Variants in GOLM2 observed in about 807,000 individuals in gnomAD.
GOLM2 encodes golgi membrane protein 2, also known as protein GOLM2.
A neutral mutation model predicts 55.9 loss-of-function variants in GOLM2; 26 were observed. That is an observed-to-expected ratio of 0.47 (90% CI 0.34 to 0.65). The LOEUF is 0.65. Among genes scored for constraint, GOLM2 ranks in the 30% least tolerant of loss-of-function variants. GOLM2 has a pLI of 0.01. For synonymous variants in GOLM2, 165 were observed against 194.6 expected (o/e 0.85, Z 1.27); for missense variants, 486 against 531.8 (o/e 0.91, Z 0.85).
intron 6 of GOLM2, among the ~76,000 whole-genome samples, chr15:44,351,069 C>G (rs528330045): frequency 6.6e-6 from 1 of 152,124 alleles, no homozygotes; most frequent in Admixed American, 6.5e-5. Flanking sequence ...ATCTAGAACA[C>G]GAAGTGGATG....
intron 6 of GOLM2, among the ~76,000 whole-genome samples, chr15:44,351,465 T>G (rs1190844578): frequency 6.7e-6 from 1 of 149,958 alleles, no homozygotes; most frequent in African/African-American, 2.5e-5. Context: ...TAGTCCCAGC[T>G]ACTCAGGAGG....
intron 8 of GOLM2, among the ~76,000 whole-genome samples, chr15:44,382,972 C>G (rs548965942): frequency 6.6e-6 from 1 of 150,782 alleles, no homozygotes; most frequent in African/African-American, 2.4e-5. Flanking sequence ...ACCCTCACTC[C>G]ATATTATTTT....
At chr15:44,351,576 C>CAAAAAAAAAAA (rs1175016633) in intron 6 of GOLM2, among the ~76,000 whole-genome samples, 1 of 45,902 alleles carries the variant, frequency 2.2e-5, no homozygotes, top group African/African-American at 8.3e-5. Context: ...GACTCTGTCT[C>CAAAAAAAAAAA]AAAAAAAAAA....
chr15:44,399,867 C>G (rs1004290125), intron 8 of GOLM2, among the ~76,000 whole-genome samples: 3 of 151,754 alleles, frequency 2.0e-5, no homozygotes, highest in Non-Finnish European at 4.4e-5. Context: ...TGGTGGTAGG[C>G]GCCTGTAATC....
At chr15:44,322,171 C>T (rs372708179) in intron 1 of GOLM2, among the ~76,000 whole-genome samples, 4 of 152,214 alleles carry the variant, frequency 2.6e-5, no homozygotes, top group African/African-American at 7.2e-5. Context: ...AGTTCGAGAC[C>T]AGCCTGGCCA....
At chr15:44,384,652 C>T (rs557982936) in intron 8 of GOLM2, among the ~76,000 whole-genome samples, 1 of 152,092 alleles carries the variant, frequency 6.6e-6, no homozygotes, top group Admixed American at 6.6e-5. Flanking sequence ...GAGGCTGAGG[C>T]AGGAGAATGG....
chr15:44,321,960 G>A (rs1197306413), intron 1 of GOLM2, among the ~76,000 whole-genome samples: 1 of 152,134 alleles, frequency 6.6e-6, no homozygotes, highest in Non-Finnish European at 1.5e-5. Flanking sequence ...TTGAGAGCCT[G>A]AGATAGGAGG....
At chr15:44,297,400 T>G (rs1016775254) in intron 1 of GOLM2, among the ~76,000 whole-genome samples, 1 of 152,166 alleles carries the variant, frequency 6.6e-6, no homozygotes, top group African/African-American at 2.4e-5. Context: ...TCCCACTATC[T>G]CCTGACCCAA....
intron 8 of GOLM2, among the ~76,000 whole-genome samples, chr15:44,398,585 A>G (rs950520882): frequency 6.6e-6 from 1 of 152,022 alleles, no homozygotes; most frequent in African/African-American, 2.4e-5. Flanking sequence ...AACAGTGACC[A>G]CAAGTGAATA....
chr15:44,408,194 A>G (rs1275349348), intron 9 of GOLM2, among the ~76,000 whole-genome samples: 2 of 152,190 alleles, frequency 1.3e-5, no homozygotes, highest in African/African-American at 4.8e-5. Context: ...CTGCTTCCTA[A>G]AAGGAACTAA....
chr15:44,306,190 T>G (rs2078835706), intron 1 of GOLM2, among the ~76,000 whole-genome samples: 1 of 152,216 alleles, frequency 6.6e-6, no homozygotes, highest in African/African-American at 2.4e-5. Context: ...ATGGAAAATG[T>G]GTTGTTTAGT....
chr15:44,380,250 T>C (rs1379054079), intron 7 of GOLM2, among the ~76,000 whole-genome samples: 1 of 151,904 alleles, frequency 6.6e-6, no homozygotes, highest in Non-Finnish European at 1.5e-5. Flanking sequence ...TTAAGGGAGA[T>C]GATGGAAAGG....
At position 44,288,977 on chromosome 15, in the gene GOLM2, C is replaced by T; in HGVS notation, c.-53C>T. On this transcript the variant is annotated 5_prime_UTR_variant, in exon 1 of 10. Coordinates refer to ENST00000299957, the MANE Select transcript of GOLM2 (RefSeq NM_138423.4). Reference sequence around the variant, plus strand: ...GCAACTCCAGCCGAGGCCTGGGCTTCTGCCTGCAGGTGTCTGCGGCGAGGC... The same window carrying T: ...GCAACTCCAGCCGAGGCCTGGGCTTTTGCCTGCAGGTGTCTGCGGCGAGGC... 1 of 1,509,900 alleles carries T rather than the reference C, an allele frequency of 6.6e-7. No individual in the cohort carries two copies. The allele number at this position is 1,509,900 out of a possible 1,614,324, so 93.5% of individuals were successfully genotyped here. A position where few individuals can be genotyped will look rare whatever the true frequency, so the allele number is the denominator to read the frequency against.
rs1330915292 is a variant in GOLM2 at position 44,384,776 on chromosome 15, G to T, written c.1072+3800G>T. ...AAAAAAAAATTAGCTGGGCGTGGTG[G>T]CGCATGCCTGTAATCCAAGCTACTT... On this transcript the variant is annotated intron_variant, in intron 8 of 9. Coordinates refer to ENST00000299957, the MANE Select transcript of GOLM2 (RefSeq NM_138423.4). Among the ~76,000 whole-genome samples the T allele has an allele frequency of 3.9e-5, 6 of 152,026 alleles. No individual in the cohort carries two copies. The East Asian group carries it at 1.2e-3, about 29-fold the overall frequency.
At chr15:44,382,227 T>TA (rs1265510914) in intron 8 of GOLM2, 1 of 152,182 alleles carries the variant, frequency 6.6e-6, no homozygotes, top group African/African-American at 2.4e-5. Context: ...CCTGAAAACT[T>TA]ACATCTCAAC....
intron 6 of GOLM2, among the ~76,000 whole-genome samples, chr15:44,369,069 A>T (rs1346678264): frequency 0.038 from 518 of 13,664 alleles, 9 homozygotes; most frequent in African/African-American, 0.23. Context: ...AGGATATATT[A>T]TATATATATA....
At chr15:44,357,179 C>A (rs761453988) in intron 6 of GOLM2, among the ~76,000 whole-genome samples, 42 of 150,430 alleles carry the variant, frequency 2.8e-4, no homozygotes, top group Non-Finnish European at 5.2e-4. Flanking sequence ...ACCCGCCCCC[C>A]AAAAAAAAGA....
chr15:44,390,243 G>A (rs1244117395), intron 8 of GOLM2: 1 of 152,186 alleles, frequency 6.6e-6, no homozygotes, highest in Non-Finnish European at 1.5e-5. Flanking sequence ...CAAAGAAACA[G>A]ACATCTTCCA....
intron 6 of GOLM2, among the ~76,000 whole-genome samples, chr15:44,361,936 C>T (rs1052102381): frequency 6.6e-5 from 10 of 152,146 alleles, no homozygotes; most frequent in Non-Finnish European, 8.8e-5. Context: ...GAGCCAAAGA[C>T]AAAAACCACG....
Sources: allele counts gnomAD v4.1 joint callset (sites outside exome capture counted in the v4.1 genomes callset), GRCh38; gene constraint gnomAD v4.1.1; transcripts MANE v1.5; gene names NCBI Gene and HGNC (gene_info 2026-07-23, HGNC 2026-07-21).